Variants in LRRC1 observed in about 807,000 individuals in gnomAD.
LRRC1 encodes the protein leucine rich repeat containing 1.
In LRRC1, 28 loss-of-function variants were observed where a neutral mutation model predicts 69.9. The ratio of observed to expected loss-of-function variants is 0.40; its 90% CI spans 0.30 to 0.55. The LOEUF is 0.55. Among genes scored for constraint, LRRC1 ranks in the 20% least tolerant of loss-of-function variants. The pLI is 0.47. For missense variants in LRRC1, 498 were observed against 609.0 expected, an observed-to-expected ratio of 0.82 and a Z score of 1.92; for synonymous variants, 236 against 240.2, an observed-to-expected ratio of 0.98 and a Z score of 0.16.
At chr6:53,919,821 C>A in intron 12 of LRRC1, 151 bp downstream of exon 12, 1 of 592,068 alleles carries the variant, frequency 1.7e-6, no homozygotes, top group East Asian at 3.0e-5. Context: ...GGGACTCTTC[C>A]GGGAAGGTTA....
intron 4 of LRRC1, among the ~76,000 whole-genome samples, chr6:53,888,892 A>G (rs1437575360): frequency 6.6e-6 from 1 of 152,224 alleles, no homozygotes; most frequent in African/African-American, 2.4e-5. Context: ...TGTGTGCATC[A>G]AAGAATACTT....
At chr6:53,811,394 A>G (rs951743445) in intron 1 of LRRC1, among the ~76,000 whole-genome samples, 2 of 152,226 alleles carry the variant, frequency 1.3e-5, no homozygotes, top group African/African-American at 4.8e-5. Flanking sequence ...GAGGGTCAAC[A>G]GTAGCACAGA....
intron 2 of LRRC1, among the ~76,000 whole-genome samples, chr6:53,848,997 TCCACCCACCTCAGCCTC>T (rs1161733102): frequency 1.3e-5 from 2 of 151,596 alleles, no homozygotes; most frequent in Admixed American, 6.6e-5. Flanking sequence ...CCTTAGGTGA[TCCACCCACCTCAGCCTC>T]CCAAAGTGCT....
chr6:53,852,804 AACT>A (rs1226671931), intron 2 of LRRC1, among the ~76,000 whole-genome samples: 1 of 152,192 alleles, frequency 6.6e-6, no homozygotes, highest in African/African-American at 2.4e-5. Context: ...AAACCCATAA[AACT>A]ACTAGTGAAT....
At chr6:53,893,869 G>C (rs999129259) in intron 4 of LRRC1, among the ~76,000 whole-genome samples, 13 of 152,186 alleles carry the variant, frequency 8.5e-5, no homozygotes, top group African/African-American at 3.1e-4. Context: ...GCATGATGGG[G>C]GTGGGAACTA....
intron 1 of LRRC1, among the ~76,000 whole-genome samples, chr6:53,804,499 A>C (rs531544764): frequency 1.6e-4 from 24 of 152,228 alleles, no homozygotes; most frequent in African/African-American, 5.3e-4. Context: ...CCACTATATA[A>C]ATTGTTTTGC....
intron 2 of LRRC1, among the ~76,000 whole-genome samples, chr6:53,864,488 A>T (rs1235132952): frequency 6.6e-6 from 1 of 152,166 alleles, no homozygotes; most frequent in Non-Finnish European, 1.5e-5. Context: ...GCTACTTTGC[A>T]GTCTTCCTCG....
At chr6:53,884,084 A>C (rs1581897946) in intron 4 of LRRC1, 1 of 704,702 alleles carries the variant, frequency 1.4e-6, no homozygotes, top group South Asian at 1.5e-5. Context: ...GAGGAGAAGA[A>C]GACAGGAAGC....
chr6:53,867,986 C>G, intron 2 of LRRC1, among the ~76,000 whole-genome samples: 1 of 151,790 alleles, frequency 6.6e-6, no homozygotes, highest in Non-Finnish European at 1.5e-5. Flanking sequence ...TTTGTTTCAC[C>G]TTATGTAAAA....
intron 1 of LRRC1, among the ~76,000 whole-genome samples, chr6:53,807,092 A>G (rs576341911): frequency 1.1e-4 from 16 of 152,306 alleles, no homozygotes; most frequent in African/African-American, 3.6e-4. Flanking sequence ...AGAAATATCT[A>G]TGGGTCAGTA....
intron 1 of LRRC1, among the ~76,000 whole-genome samples, chr6:53,831,369 T>G (rs1162005643): frequency 1.3e-5 from 2 of 152,214 alleles, no homozygotes; most frequent in Non-Finnish European, 2.9e-5. Context: ...ATTTGTTCTC[T>G]TAGTATTTGC....
chr6:53,889,798 ATCTC>A (rs1435561297), intron 4 of LRRC1, among the ~76,000 whole-genome samples: 2 of 152,220 alleles, frequency 1.3e-5, no homozygotes, highest in East Asian at 3.8e-4. Flanking sequence ...TGTGAATTAT[ATCTC>A]CGTAAAAAGA....
At chr6:53,846,168 T>C (rs995255840) in intron 2 of LRRC1, among the ~76,000 whole-genome samples, 1 of 152,234 alleles carries the variant, frequency 6.6e-6, no homozygotes, top group Non-Finnish European at 1.5e-5. Flanking sequence ...GGCCAAGAAC[T>C]GCCAAGACCT....
chr6:53,900,072 CT>C (rs1768009629), intron 8 of LRRC1, among the ~76,000 whole-genome samples, 181 bp downstream of exon 8: 1 of 129,736 alleles, frequency 7.7e-6, no homozygotes, highest in Non-Finnish European at 1.6e-5. Flanking sequence ...GAGTCTCGCT[CT>C]GTCGCCCAGG....
At chr6:53,896,954 G>A in intron 6 of LRRC1, 62 bp downstream of exon 6, 1 of 1,111,304 alleles carries the variant, frequency 9.0e-7, no homozygotes. Context: ...ACAGTATTTG[G>A]GGGAGTTCTA....
At chr6:53,817,527 T>TA (rs1006052189) in intron 1 of LRRC1, among the ~76,000 whole-genome samples, 3 of 152,262 alleles carry the variant, frequency 2.0e-5, no homozygotes, top group African/African-American at 4.8e-5. Flanking sequence ...GCAACTGACC[T>TA]AAAAAAATCA....
chr6:53,822,412 T>C (rs571730060), intron 1 of LRRC1, among the ~76,000 whole-genome samples: 4 of 152,352 alleles, frequency 2.6e-5, no homozygotes, highest in Admixed American at 6.5e-5. Flanking sequence ...ATTCCATCAA[T>C]GTTGCTATAG....
chr6:53,870,087 T>C (rs1766832837), intron 2 of LRRC1, among the ~76,000 whole-genome samples: 1 of 152,208 alleles, frequency 6.6e-6, no homozygotes, highest in Non-Finnish European at 1.5e-5. Flanking sequence ...CAATTTAGCC[T>C]GGAGAGAGAA....
intron 1 of LRRC1, among the ~76,000 whole-genome samples, chr6:53,829,528 A>G (rs941090059): frequency 6.6e-6 from 1 of 152,190 alleles, no homozygotes; most frequent in Non-Finnish European, 1.5e-5. Flanking sequence ...GGCCTGGAAT[A>G]CCAGGCTGTG....
Sources: gnomAD v4.1 joint callset for allele counts (sites outside exome capture counted in the v4.1 genomes callset) on GRCh38, gnomAD v4.1.1 for gene constraint, MANE v1.5 for transcripts, NCBI Gene and HGNC (gene_info 2026-07-23, HGNC 2026-07-21) for gene names.